The following ITPR2 variants were observed in gnomAD, a reference collection of about 807,000 sequenced individuals.
The protein encoded by ITPR2 is inositol 1,4,5-trisphosphate receptor type 2, also known as inositol 1,4,5-trisphosphate-gated calcium channel ITPR2.
ITPR2 carries 207 observed loss-of-function variants against 317.1 expected under a neutral mutation model. The observed-to-expected ratio is 0.65, with a 90% CI of 0.58 to 0.73. ITPR2 has a LOEUF of 0.73. Among genes scored for constraint, ITPR2 ranks in the 30% least tolerant of loss-of-function variants. The probability of loss-of-function intolerance (pLI) is 0.00; values close to 1 mark genes in which losing one functional copy is unlikely to be tolerated. For missense variants in ITPR2, 2,613 were observed against 3,284.0 expected, an observed-to-expected ratio of 0.80 and a Z score of 4.99; for synonymous variants, 1,156 against 1,149.1, an observed-to-expected ratio of 1.01 and a Z score of -0.12.
intron 1 of ITPR2, among the ~76,000 whole-genome samples, chr12:26,793,109 G>A (rs1950372199): frequency 1.3e-5 from 2 of 152,138 alleles, no homozygotes; most frequent in South Asian, 4.1e-4. Context: ...CTTTTCATGT[G>A]TACCACTGAT....
chr12:26,692,592 G>A (rs1025969095), intron 10 of ITPR2, among the ~76,000 whole-genome samples: 6 of 152,266 alleles, frequency 3.9e-5, no homozygotes, highest in East Asian at 1.9e-4. Context: ...GGCTTGACAC[G>A]GTTCCAATGT....
chr12:26,734,412 A>G (rs1233572552), intron 2 of ITPR2, among the ~76,000 whole-genome samples: 1 of 152,232 alleles, frequency 6.6e-6, no homozygotes, highest in Non-Finnish European at 1.5e-5. Context: ...AAAATGTGTT[A>G]AAAGAGACAA....
chr12:26,775,139 C>T (rs1949936752), intron 2 of ITPR2, among the ~76,000 whole-genome samples: 1 of 152,190 alleles, frequency 6.6e-6, no homozygotes, highest in Non-Finnish European at 1.5e-5. Context: ...GTCTGATCCA[C>T]AGGTACCCCA....
At chr12:26,820,455 C>T (rs191488300) in intron 1 of ITPR2, among the ~76,000 whole-genome samples, 6 of 151,998 alleles carry the variant, frequency 3.9e-5, no homozygotes, top group Admixed American at 3.9e-4. Context: ...TACAGTCTAT[C>T]GGGGTAGACA....
chr12:26,414,048 TGTACACACAC>T (rs1181374489), intron 51 of ITPR2, among the ~76,000 whole-genome samples: 2 of 48,958 alleles, frequency 4.1e-5, no homozygotes, highest in African/African-American at 1.6e-4. Flanking sequence ...CATGTATATA[TGTACACACAC>T]ACACACACAC....
At position 26,597,113 on chromosome 12, in the gene ITPR2, C is replaced by A; in HGVS notation, c.4024G>T (p.Val1342Leu). 6.2e-7 allele frequency: 1 copy of A among 1,613,814 alleles called. No individual in the cohort carries two copies. Among genetic ancestry groups the A allele is most frequent in the Non-Finnish European group, 8.5e-7 (1 of 1,179,922 alleles). ...MTELINGGED[V>L]LIFYNDRASF... ...GCTCTATCATTGTAAAATATCAGCACGTCTTCACCCCCATTTATCAACTGA... is the reference window on the plus strand; with the variant it reads ...GCTCTATCATTGTAAAATATCAGCAAGTCTTCACCCCCATTTATCAACTGA... Residue 1342 changes from valine to leucine, a missense_variant, in exon 31 of 57, where the codon GTG (valine) becomes TTG (leucine). Coordinates refer to ENST00000381340, the MANE Select transcript of ITPR2 (RefSeq NM_002223.4).
chr12:26,739,260 G>A (rs1949188171), intron 2 of ITPR2, among the ~76,000 whole-genome samples: 1 of 152,182 alleles, frequency 6.6e-6, no homozygotes, highest in East Asian at 1.9e-4. Flanking sequence ...TTCTTGAAAA[G>A]TTAAAAGATA....
At chr12:26,733,995 C>T (rs542910962) in intron 2 of ITPR2, among the ~76,000 whole-genome samples, 9 of 152,272 alleles carry the variant, frequency 5.9e-5, no homozygotes, top group African/African-American at 2.2e-4. Context: ...AAGATACACA[C>T]ATATATAATA....
chr12:26,674,693 A>G (rs1438918215), intron 13 of ITPR2, among the ~76,000 whole-genome samples: 2 of 152,236 alleles, frequency 1.3e-5, no homozygotes, highest in South Asian at 4.1e-4. Flanking sequence ...AAAACTGACA[A>G]ATGGGATCTA....
intron 52 of ITPR2, among the ~76,000 whole-genome samples, chr12:26,409,620 T>C (rs1447529738): frequency 2.0e-5 from 3 of 152,086 alleles, no homozygotes; most frequent in Non-Finnish European, 2.9e-5. Context: ...AAATTTACAA[T>C]CATTCTTAGC....
chr12:26,765,786 C>T (rs1343321482), intron 2 of ITPR2, among the ~76,000 whole-genome samples: 2 of 152,112 alleles, frequency 1.3e-5, no homozygotes, highest in Non-Finnish European at 2.9e-5. Context: ...CTTGTACTTA[C>T]TGCCTCTCTT....
At chr12:26,539,106 T>G (rs1354461736) in intron 37 of ITPR2, among the ~76,000 whole-genome samples, 1 of 152,212 alleles carries the variant, frequency 6.6e-6, no homozygotes, top group Non-Finnish European at 1.5e-5. Context: ...GCAAATATTC[T>G]CTGTGAGGAC....
intron 46 of ITPR2, among the ~76,000 whole-genome samples, chr12:26,439,910 T>C (rs2136729885): frequency 6.8e-6 from 1 of 146,018 alleles, no homozygotes; most frequent in South Asian, 2.2e-4. Context: ...CCCTTATTTG[T>C]TATTTGTGAC....
At chr12:26,399,085 T>G in intron 53 of ITPR2, 44 bp from the exon 54 acceptor site, 6 of 1,355,744 alleles carry the variant, frequency 4.4e-6, no homozygotes, top group Non-Finnish European at 6.0e-6. Flanking sequence ...GCATAGTGAT[T>G]GAGCACACTG....
chr12:26,820,792 C>T (rs567660768), intron 1 of ITPR2, among the ~76,000 whole-genome samples: 4 of 152,238 alleles, frequency 2.6e-5, no homozygotes, highest in African/African-American at 7.2e-5. Context: ...ATAGTATTCT[C>T]AATAAACAGG....
intron 2 of ITPR2, among the ~76,000 whole-genome samples, chr12:26,771,095 T>C (rs1365084258): frequency 6.6e-6 from 1 of 152,200 alleles, no homozygotes; most frequent in Non-Finnish European, 1.5e-5. Context: ...GGCGATCTCA[T>C]CTCAAGATCC....
intron 1 of ITPR2, among the ~76,000 whole-genome samples, chr12:26,802,205 G>A (rs1278321083): frequency 6.6e-6 from 1 of 152,014 alleles, no homozygotes; most frequent in Admixed American, 6.6e-5. Context: ...AGGCTGAGGA[G>A]GGAGGATCAG....
chr12:26,398,955 A>G lies in ITPR2; in HGVS notation c.7617T>C (p.Val2539=). 6.2e-7 allele frequency: 1 copy of G among 1,611,660 alleles called. No homozygotes were observed. The highest frequency in any genetic ancestry group is 8.5e-7 in the Non-Finnish European group (1 of 1,179,250). The change falls in exon 54 of 57, where the codon GTT becomes GTC. Residue 2539 remains valine (V), a synonymous_variant. Transcript: ENST00000381340. ...IIIVLNLIFG[V]IIDTFADLRS... Reference sequence around the variant, plus strand: ...TGAGATCAGCAAAAGTATCGATGATAACACCAAAAATCAAGTTCAGAACAA... The same window carrying G: ...TGAGATCAGCAAAAGTATCGATGATGACACCAAAAATCAAGTTCAGAACAA...
intron 37 of ITPR2, among the ~76,000 whole-genome samples, chr12:26,522,841 CG>C (rs201907857): frequency 1.6e-3 from 239 of 151,626 alleles, no homozygotes; most frequent in Non-Finnish European, 2.3e-3. Flanking sequence ...GCTTCCACGG[CG>C]GGGGGGGAAC....
Sources: allele counts gnomAD v4.1 joint callset (sites outside exome capture counted in the v4.1 genomes callset), GRCh38; gene constraint gnomAD v4.1.1; transcripts MANE v1.5; gene names NCBI Gene and HGNC (gene_info 2026-07-23, HGNC 2026-07-21).